The following SIRPD variants were observed in gnomAD, a reference collection of about 807,000 sequenced individuals.
SIRPD encodes signal regulatory protein delta.
A neutral mutation model predicts 18.0 loss-of-function variants in SIRPD; 21 were observed. That is an observed-to-expected ratio of 1.17 (90% CI 0.83 to 1.68). SIRPD has a LOEUF of 1.68. Among genes scored for constraint, SIRPD ranks in the 40% most tolerant of loss-of-function variants. SIRPD has a pLI of 0.00. For synonymous variants in SIRPD, 106 were observed against 92.9 expected (o/e 1.14, Z -0.81); for missense variants, 295 against 238.4 (o/e 1.24, Z -1.56).
At chr20:1,552,246 C>T (rs2091022842) in intron 1 of SIRPD, among the ~76,000 whole-genome samples, 1 of 152,154 alleles carries the variant, frequency 6.6e-6, no homozygotes, top group Non-Finnish European at 1.5e-5. Flanking sequence ...ATGTATTCCT[C>T]CTCAGTTCCA....
At chr20:1,553,049 A>G (rs570570055) in intron 1 of SIRPD, among the ~76,000 whole-genome samples, 106 of 152,294 alleles carry the variant, frequency 7.0e-4, no homozygotes, top group Non-Finnish European at 1.5e-3. Flanking sequence ...TGGGAATAAA[A>G]ATACTGGGAA....
At chr20:1,549,151 G>A (rs1015847872) in intron 2 of SIRPD, among the ~76,000 whole-genome samples, 37 of 151,756 alleles carry the variant, frequency 2.4e-4, no homozygotes, top group African/African-American at 8.7e-4. Context: ...TCTTTCAATT[G>A]TTGTACTTTT....
chr20:1,553,242 G>T (rs1302108172), intron 1 of SIRPD, among the ~76,000 whole-genome samples: 1 of 152,196 alleles, frequency 6.6e-6, no homozygotes, highest in South Asian at 2.1e-4. Flanking sequence ...CATGGTAGGA[G>T]ATCACATCCA....
chr20:1,555,634 T>C (rs1228021943), intron 1 of SIRPD, among the ~76,000 whole-genome samples: 2 of 152,154 alleles, frequency 1.3e-5, no homozygotes, highest in Non-Finnish European at 2.9e-5. Flanking sequence ...AAAACCAAGA[T>C]AAAATTTAAA....
At chr20:1,554,747 T>C (rs1444952230) in intron 1 of SIRPD, among the ~76,000 whole-genome samples, 2 of 152,022 alleles carry the variant, frequency 1.3e-5, no homozygotes, top group Non-Finnish European at 2.9e-5. Flanking sequence ...GGGTGTTCTG[T>C]GGTGTGAAAG....
At chr20:1,553,535 T>TA (rs1385464201) in intron 1 of SIRPD, among the ~76,000 whole-genome samples, 6 of 152,300 alleles carry the variant, frequency 3.9e-5, no homozygotes, top group African/African-American at 1.4e-4. Context: ...GAATAAGTCA[T>TA]AATATACACA....
At chr20:1,547,341 T>C (rs2090997895) in intron 2 of SIRPD, among the ~76,000 whole-genome samples, 1 of 152,222 alleles carries the variant, frequency 6.6e-6, no homozygotes, top group East Asian at 1.9e-4. Context: ...ACTCTCTCTT[T>C]TCCATTGGTC....
At chr20:1,540,594 G>A (rs1260386961) in intron 2 of SIRPD, among the ~76,000 whole-genome samples, 1 of 151,994 alleles carries the variant, frequency 6.6e-6, no homozygotes, top group Non-Finnish European at 1.5e-5. Context: ...TGTCTCTATA[G>A]ATTTGCCTAT....
intron 1 of SIRPD, chr20:1,554,029 G>A (rs1048846256): frequency 1.3e-5 from 2 of 152,600 alleles, no homozygotes; most frequent in Non-Finnish European, 2.9e-5. Context: ...AGTAGTAGGT[G>A]CCAGCATCCT....
chr20:1,535,968 C>T (rs1329522296), intron 3 of SIRPD, among the ~76,000 whole-genome samples: 2 of 152,186 alleles, frequency 1.3e-5, no homozygotes, highest in Non-Finnish European at 2.9e-5. Flanking sequence ...CCCTGACAAC[C>T]TGGTGATTCT....
At position 1,537,277 on chromosome 20, in the gene SIRPD, G is replaced by T; in HGVS notation, c.455C>A (p.Ala152Glu). The T allele has an allele frequency of 6.2e-7, 1 of 1,614,158 alleles. No homozygotes were observed. The highest frequency in any genetic ancestry group is 8.5e-7 in the Non-Finnish European group (1 of 1,180,008). Residue 152 changes from alanine (A) to glutamate (E), a missense_variant, in exon 3 of 4, where the codon GCA (alanine) becomes GAA (glutamate). Ala to Glu is a moderately radical substitution (Grantham distance 107, BLOSUM62 -1). Transcript: ENST00000381623. ...GTGGGCCCTGGAGCCTGCTCTGCCT[G>T]CAGGTCTGTTCTTGGGAGGTCTTGG... ...QNPRPPKNRP[A>E]GRAGSRAHHD...
chr20:1,542,020 C>T (rs187145509), intron 2 of SIRPD, among the ~76,000 whole-genome samples: 1 of 152,128 alleles, frequency 6.6e-6, no homozygotes, highest in Non-Finnish European at 1.5e-5. Flanking sequence ...ATATCAGTAC[C>T]ATGCTGTTTT....
At chr20:1,555,731 C>A (rs542297378) in intron 1 of SIRPD, among the ~76,000 whole-genome samples, 2 of 152,190 alleles carry the variant, frequency 1.3e-5, no homozygotes, top group Non-Finnish European at 2.9e-5. Context: ...CCATCTTACT[C>A]GGTATATTCC....
chr20:1,554,423 T>A (rs1232693744), intron 1 of SIRPD: 1 of 152,514 alleles, frequency 6.6e-6, no homozygotes, highest in Non-Finnish European at 1.5e-5. Flanking sequence ...ATGGCACCAG[T>A]CATATAAAAA....
At chr20:1,553,180 T>C (rs951215893) in intron 1 of SIRPD, among the ~76,000 whole-genome samples, 8 of 152,204 alleles carry the variant, frequency 5.3e-5, no homozygotes, top group African/African-American at 1.9e-4. Flanking sequence ...GAGAGATTGA[T>C]ACACAAGACC....
intron 1 of SIRPD, 51 bp from the exon 2 acceptor site, chr20:1,552,089 A>C: frequency 1.3e-6 from 2 of 1,498,904 alleles, no homozygotes; most frequent in East Asian, 2.3e-5. Flanking sequence ...TGGCTTAAGC[A>C]TGGGTACGGG....
rs144432498 is a variant in SIRPD, at chr20:1,546,732, A to T, written c.421+4959T>A. 2.6e-5 allele frequency among the ~76,000 whole-genome samples: 4 copies of T among 152,324 alleles called. No homozygotes were observed. In the East Asian group the frequency reaches 7.7e-4, roughly 29 times the overall value. On this transcript the variant is annotated intron_variant, in intron 2 of 3. Transcript: ENST00000381623. ...AGTGTATGAGGTTTACAATTCCTCT[A>T]CATTCTCATAAACATTTGTTATCTG...
rs115214472 is a variant in SIRPD at position 1,548,857 on chromosome 20, C to T, written c.421+2834G>A. Among the ~76,000 whole-genome samples, 1,390 of 152,156 alleles carry T rather than the reference C, an allele frequency of 9.1e-3. 22 individuals carry two copies. The highest frequency in any genetic ancestry group is 0.033 in the African/African-American group (1,356 of 41,536). On this transcript the variant is annotated intron_variant, in intron 2 of 3. Transcript: ENST00000381623. ...TAATTTGAGTTTCCTTTTTCAGTCT[C>T]CGGTCCAGCTGACTAAATAGACTTG...
chr20:1,543,748 G>A (rs1318194008), intron 2 of SIRPD, among the ~76,000 whole-genome samples: 1 of 152,100 alleles, frequency 6.6e-6, no homozygotes, highest in African/African-American at 2.4e-5. Flanking sequence ...TCTCCTGTGG[G>A]CATTAGTGCT....
Sources: gnomAD v4.1 joint callset for allele counts (sites outside exome capture counted in the v4.1 genomes callset) on GRCh38, gnomAD v4.1.1 for gene constraint, MANE v1.5 for transcripts, NCBI Gene and HGNC (gene_info 2026-07-23, HGNC 2026-07-21) for gene names.